POLR1A: variants seen among roughly 807,000 people sequenced by gnomAD.
POLR1A encodes the protein RNA polymerase I subunit A, also known as DNA-directed RNA polymerase I subunit RPA1.
A neutral mutation model predicts 205.3 loss-of-function variants in POLR1A; 84 were observed. The observed-to-expected ratio is 0.41, with a 90% CI of 0.34 to 0.49. The LOEUF is 0.49. Among genes scored for constraint, POLR1A ranks in the 20% least tolerant of loss-of-function variants. The pLI, the probability that POLR1A is intolerant of heterozygous loss-of-function variation, is 0.22. For missense variants in POLR1A, 1,645 were observed against 2,204.5 expected (o/e 0.75, Z 5.08); for synonymous variants, 799 against 863.7 (o/e 0.93, Z 1.31).
At chr2:86,084,353 G>A (rs1673460409) in intron 6 of POLR1A, among the ~76,000 whole-genome samples, 1 of 151,702 alleles carries the variant, frequency 6.6e-6, no homozygotes, top group South Asian at 2.1e-4. Flanking sequence ...AGAGGCAGAG[G>A]CTGTAGGGAG....
At chr2:86,104,028 G>A (rs777303930) in intron 1 of POLR1A, among the ~76,000 whole-genome samples, 2 of 152,216 alleles carry the variant, frequency 1.3e-5, no homozygotes, top group African/African-American at 2.4e-5. Context: ...GCTAAAATCA[G>A]CATTGGTCTG....
chr2:86,084,623 C>T (rs1673467917), intron 6 of POLR1A, among the ~76,000 whole-genome samples: 1 of 151,640 alleles, frequency 6.6e-6, no homozygotes, highest in Admixed American at 6.6e-5. Flanking sequence ...TATAAAATAG[C>T]CTAAGATAGT....
At chr2:86,051,640 G>A (rs1672805547) in intron 16 of POLR1A, among the ~76,000 whole-genome samples, 1 of 152,224 alleles carries the variant, frequency 6.6e-6, no homozygotes, top group African/African-American at 2.4e-5. Context: ...CGAACAGCGT[G>A]GAAGGGCTGG....
rs538210708 is a variant in POLR1A at position 86,027,997 on chromosome 2, G to T, written c.4950C>A (p.Phe1650Leu). 6.2e-7 allele frequency: 1 copy of T among 1,614,062 alleles called. No individual in the cohort carries two copies. The highest frequency in any genetic ancestry group is 8.5e-7 in the Non-Finnish European group (1 of 1,180,036). The change falls in exon 33 of 34, where the codon TTC becomes TTA. Residue 1650 changes from phenylalanine to leucine, a missense_variant. Coordinates refer to ENST00000263857, the MANE Select transcript of POLR1A (RefSeq NM_015425.6). ...GATTCAGTGGCTTGTAAACACCCTC[G>T]AAGCACATATAATCAGCAACCAGGG... ...HLSLVADYMC[F>L]EGVYKPLNRF...
chr2:86,085,351 T>C (rs1673486191), intron 6 of POLR1A, among the ~76,000 whole-genome samples: 1 of 151,978 alleles, frequency 6.6e-6, no homozygotes, highest in African/African-American at 2.4e-5. Context: ...AGTCAAGGAG[T>C]CTGCATGTTT....
At chr2:86,057,121 T>C (rs1007810346) in intron 14 of POLR1A, among the ~76,000 whole-genome samples, 2 of 152,228 alleles carry the variant, frequency 1.3e-5, no homozygotes, top group Non-Finnish European at 2.9e-5. Context: ...TTCACCATTC[T>C]AGATGTCATT....
In POLR1A at chr2:86,075,156, G is replaced by A. The variant is rs747361250; in HGVS notation, c.1485C>T (p.Ser495=). 6.2e-7 allele frequency: 1 copy of A among 1,613,642 alleles called. No homozygotes were observed. The highest frequency in any genetic ancestry group is 8.5e-7 in the Non-Finnish European group (1 of 1,179,834). The change falls in exon 12 of 34, where the codon TCC becomes TCT. Residue 495 remains serine (S), a synonymous_variant. Coordinates refer to ENST00000263857, the MANE Select transcript of POLR1A (RefSeq NM_015425.6). ...INGPNVHPGA[S]MVINEDGSRT... ...GGCTGCCGTCCTCATTGATGACCAT[G>A]GAGGCTCCTGGGTGCACATTAGGGC...
In POLR1A at chr2:86,039,347, T is replaced by C. The variant is rs1475937445; in HGVS notation, c.3856A>G (p.Thr1286Ala). 6.2e-7 allele frequency: 1 copy of C among 1,614,056 alleles called. No homozygotes were observed. Among genetic ancestry groups the C allele is most frequent in the Non-Finnish European group, 8.5e-7 (1 of 1,179,992 alleles). The part of the protein sequence containing the change: ...KRVKSLKKQL[T>A]RVCLGEVLQK... ...GTTACCTCCCCCAAGCACACCCTGG[T>C]GAGTTGCTTCTTCAGGCTTTTCACT... Residue 1286 changes from threonine (T) to alanine (A), a missense_variant, in exon 26 of 34, where the codon ACC becomes GCC. Thr to Ala is a moderately conservative substitution (Grantham distance 58). Coordinates refer to ENST00000263857, the MANE Select transcript of POLR1A (RefSeq NM_015425.6).
At chr2:86,032,714 T>A (rs1046772508) in intron 28 of POLR1A, among the ~76,000 whole-genome samples, 1 of 152,226 alleles carries the variant, frequency 6.6e-6, no homozygotes, top group African/African-American at 2.4e-5. Context: ...TTCCAAATAT[T>A]TTTGATCAAA....
At chr2:86,081,748 A>G (rs1318968419) in intron 7 of POLR1A, 42 bp from the exon 8 acceptor site, 1 of 1,177,648 alleles carries the variant, frequency 8.5e-7, no homozygotes, top group Non-Finnish European at 1.3e-6. Context: ...ATTTAAATCT[A>G]TCACTAAGGG....
chr2:86,081,087 A>C lies in POLR1A; in HGVS notation c.924-109T>G, dbSNP rs1673393164. 6 of 980,154 alleles carry C rather than the reference A, an allele frequency of 6.1e-6. No individual in the cohort carries two copies. The South Asian group carries it at 9.7e-5, about 16-fold the overall frequency. The allele number at this position is 980,154 out of a possible 1,614,324, so 60.7% of individuals were successfully genotyped here. A position where few individuals can be genotyped will look rare whatever the true frequency, so the allele number is the denominator to read the frequency against. On this transcript the variant is annotated intron_variant, in intron 8 of 33. Coordinates refer to ENST00000263857, the MANE Select transcript of POLR1A (RefSeq NM_015425.6). ...GGGAGCACACCCCACCATGCTCAAAACAACCAACCTTCCTAACCAACATTC... is the reference window on the plus strand; with the variant it reads ...GGGAGCACACCCCACCATGCTCAAACCAACCAACCTTCCTAACCAACATTC...
At chr2:86,040,019 C>T (rs570590952) in intron 25 of POLR1A, 61 of 206,138 alleles carry the variant, frequency 3.0e-4, no homozygotes, top group African/African-American at 1.3e-3. Context: ...GGGCCCAGGG[C>T]CACGTGGGGG....
chr2:86,045,546 C>A, intron 20 of POLR1A, 71 bp downstream of exon 20: 1 of 1,508,362 alleles, frequency 6.6e-7, no homozygotes, highest in Non-Finnish European at 9.2e-7. Flanking sequence ...CCCTGTAGGG[C>A]AGTCATAGTT....
At chr2:86,090,231 C>T (rs1673577353) in intron 3 of POLR1A, among the ~76,000 whole-genome samples, 1 of 151,716 alleles carries the variant, frequency 6.6e-6, no homozygotes, top group Non-Finnish European at 1.5e-5. Context: ...CTGTCTCTAC[C>T]AAAAGTACAA....
At chr2:86,086,725 A>G (rs1213712173) in intron 6 of POLR1A, among the ~76,000 whole-genome samples, 1 of 152,254 alleles carries the variant, frequency 6.6e-6, no homozygotes, top group African/African-American at 2.4e-5. Context: ...AGATGACTTT[A>G]GAAGAATGGG....
intron 14 of POLR1A, 95 bp from the exon 15 acceptor site, chr2:86,054,384 T>C (rs1672859340): frequency 7.9e-7 from 1 of 1,272,378 alleles, no homozygotes; most frequent in Admixed American, 2.1e-5. Flanking sequence ...AGAACTTCCC[T>C]TTTAGGACCT....
At chr2:86,043,313 G>A in intron 22 of POLR1A, 118 bp from the exon 23 acceptor site, 1 of 790,060 alleles carries the variant, frequency 1.3e-6, no homozygotes, top group African/African-American at 1.7e-5. Context: ...CTGGTGTGGA[G>A]CCCTCATGAT....
intron 3 of POLR1A, among the ~76,000 whole-genome samples, chr2:86,090,679 A>C (rs1000118984): frequency 6.6e-6 from 1 of 152,224 alleles, no homozygotes; most frequent in Non-Finnish European, 1.5e-5. Context: ...GCCCCAGGGA[A>C]TATGCCTATG....
chr2:86,022,440 TAGGTGGTGA>T lies in POLR1A; in HGVS notation c.*4974_*4982del, dbSNP rs1402371566. 1 of 152,244 alleles carries T rather than the reference TAGGTGGTGA, an allele frequency of 6.6e-6. No individual in the cohort carries two copies. The highest frequency in any genetic ancestry group is 2.4e-5 in the African/African-American group (1 of 41,460). The allele number at this position is 152,244 out of a possible 1,614,324, so 9.4% of individuals were successfully genotyped here. A position where few individuals can be genotyped will look rare whatever the true frequency, so the allele number is the denominator to read the frequency against. On this transcript the variant is annotated 3_prime_UTR_variant, in exon 34 of 34. Transcript: ENST00000263857. ...ACTCCTTGAGATGTCATCGTACCGATAGGTGGTGACGGTGGCTGTGCATTTCCACAATTT... is the reference window on the plus strand; with the variant it reads ...ACTCCTTGAGATGTCATCGTACCGATCGGTGGCTGTGCATTTCCACAATTT...
Sources: allele counts gnomAD v4.1 joint callset (sites outside exome capture counted in the v4.1 genomes callset), GRCh38; gene constraint gnomAD v4.1.1; transcripts MANE v1.5; gene names NCBI Gene and HGNC (gene_info 2026-07-23, HGNC 2026-07-21).